CTCF: variants seen among roughly 807,000 people sequenced by gnomAD.
CTCF encodes transcriptional repressor CTCF.
In CTCF, 7 loss-of-function variants were observed where a neutral mutation model predicts 72.3. That is an observed-to-expected ratio of 0.10 (90% CI 0.06 to 0.18). The LOEUF is 0.18. Ranked by LOEUF, CTCF falls within the 10% of genes least tolerant of loss-of-function variation. CTCF has a pLI of 1.00. For synonymous variants in CTCF, 374 were observed against 315.8 expected (o/e 1.18, Z -1.95); for missense variants, 516 against 949.1 (o/e 0.54, Z 6.00).
chr16:67,629,418 T>G lies in CTCF; in HGVS notation c.1722T>G (p.Ala574=), dbSNP rs2052333020. The G allele has an allele frequency of 1.2e-6, 2 of 1,608,404 alleles. No individual in the cohort carries two copies. The highest frequency in any genetic ancestry group is 2.7e-5 in the African/African-American group (2 of 74,712). Residue 574 remains alanine, a synonymous_variant, in exon 10 of 12, where the codon GCT becomes GCG. Transcript: ENST00000264010. ...FTRRNTMARH[A]DNCAGPDGVE... ...GTTAGAATACCATGGCAAGACATGC[T>G]GATAATTGTGCTGGCCCAGATGGCG...
chr16:67,593,007 CAG>C (rs1567600532), intron 2 of CTCF, among the ~76,000 whole-genome samples: 2 of 150,410 alleles, frequency 1.3e-5, no homozygotes, highest in South Asian at 4.2e-4. Context: ...GCCTGGGTGA[CAG>C]AGTGAAACTC....
chr16:67,628,569 C>T lies in CTCF; in HGVS notation c.1701+17C>T, dbSNP rs771465873. On this transcript the variant is annotated intron_variant, in intron 9 of 11. Transcript: ENST00000264010. ...ACACGTCGGGTAAGGGTCAGAACTT[C>T]ACTTTGCCTGTTATGATACTGAATA... 6.2e-7 allele frequency: 1 copy of T among 1,610,984 alleles called. No homozygotes were observed. The highest frequency in any genetic ancestry group is 8.5e-7 in the Non-Finnish European group (1 of 1,177,474).
chr16:67,593,342 C>T (rs949914224), intron 2 of CTCF, among the ~76,000 whole-genome samples: 14 of 151,880 alleles, frequency 9.2e-5, no homozygotes, highest in African/African-American at 2.9e-4. Flanking sequence ...GCCCTTACCC[C>T]GTTTTCTCCC....
chr16:67,579,414 A>G (rs1284461558), intron 2 of CTCF, among the ~76,000 whole-genome samples: 2 of 151,036 alleles, frequency 1.3e-5, no homozygotes, highest in African/African-American at 4.9e-5. Context: ...GCTGGAGTGC[A>G]GTGCCGTGAT....
chr16:67,570,223 C>T (rs1357264207), intron 1 of CTCF, among the ~76,000 whole-genome samples: 1 of 151,472 alleles, frequency 6.6e-6, no homozygotes, highest in Non-Finnish European at 1.5e-5. Context: ...ACTACAGGCA[C>T]CCGCCACCAC....
At chr16:67,629,080 G>T (rs1202183414) in intron 9 of CTCF, among the ~76,000 whole-genome samples, 1 of 151,980 alleles carries the variant, frequency 6.6e-6, no homozygotes, top group Non-Finnish European at 1.5e-5. Flanking sequence ...TCCTTAGGTG[G>T]ATTGAAACCT....
intron 11 of CTCF, among the ~76,000 whole-genome samples, chr16:67,637,409 G>A (rs1044850977): frequency 6.6e-6 from 1 of 152,194 alleles, no homozygotes; most frequent in Non-Finnish European, 1.5e-5. Context: ...GTGGGCACCT[G>A]TAGTCCCATC....
chr16:67,635,358 G>A (rs758331354), intron 10 of CTCF, among the ~76,000 whole-genome samples: 1 of 151,304 alleles, frequency 6.6e-6, no homozygotes, highest in Non-Finnish European at 1.5e-5. Context: ...TAGAGACGGG[G>A]TTTCACCATA....
At chr16:67,616,951 C>A in intron 5 of CTCF, 73 bp downstream of exon 5, 1 of 1,486,072 alleles carries the variant, frequency 6.7e-7, no homozygotes, top group Non-Finnish European at 9.3e-7. Context: ...GCTATAACTA[C>A]TACCCAAACG....
rs1460902537 is a variant in CTCF at position 67,562,706 on chromosome 16, CG to C, written c.-139del. 2 of 150,264 alleles carry C rather than the reference CG, an allele frequency of 1.3e-5. No individual in the cohort carries two copies. Among genetic ancestry groups the C allele is most frequent in the Non-Finnish European group, 3.0e-5 (2 of 67,360 alleles). The allele number at this position is 150,264 out of a possible 1,614,324, so 9.3% of individuals were successfully genotyped here. ...TGGAGCGGCGGCGGAGCGGGCGCCG[CG>C]GGGGGTGTGGCGCGGAGGTAAGGGG... On this transcript the variant is annotated 5_prime_UTR_variant, in exon 1 of 12. Coordinates refer to ENST00000264010, the MANE Select transcript of CTCF (RefSeq NM_006565.4).
chr16:67,604,730 G>GTTTTTTTTTT (rs533827293), intron 2 of CTCF, among the ~76,000 whole-genome samples: 8 of 123,738 alleles, frequency 6.5e-5, no homozygotes, highest in South Asian at 2.5e-4. Flanking sequence ...TTTCACCAGG[G>GTTTTTTTTTT]TTTTTTTTTT....
In CTCF at chr16:67,636,709, GGAC is replaced by G; in HGVS notation, c.1861_1863del (p.Asp621del). ...GAAAAGAAAATGCTGAACCAGATCT[GGAC>G]GACAATGAGGATGAGGAGGAGCCTG... On this transcript the variant is annotated inframe_deletion, in exon 11 of 12. Coordinates refer to ENST00000264010, the MANE Select transcript of CTCF (RefSeq NM_006565.4). 6.2e-7 allele frequency: 1 copy of G among 1,607,202 alleles called. No individual in the cohort carries two copies. Among genetic ancestry groups the G allele is most frequent in the Non-Finnish European group, 8.5e-7 (1 of 1,176,584 alleles).
chr16:67,566,414 TC>T (rs1174643058), intron 1 of CTCF, among the ~76,000 whole-genome samples: 1 of 144,600 alleles, frequency 6.9e-6, no homozygotes, highest in Non-Finnish European at 1.5e-5. Context: ...GGAGGCTGAG[TC>T]AGGAGAATCA....
chr16:67,637,577 A>G, intron 11 of CTCF, 111 bp from the exon 12 acceptor site: 1 of 826,982 alleles, frequency 1.2e-6, no homozygotes. Context: ...ACCGCTATCT[A>G]ATAAGGCTGT....
At chr16:67,570,239 G>T (rs945500203) in intron 1 of CTCF, among the ~76,000 whole-genome samples, 3 of 151,820 alleles carry the variant, frequency 2.0e-5, no homozygotes, top group African/African-American at 7.3e-5. Flanking sequence ...ACCACACCCG[G>T]CTAATTTTTT....
At chr16:67,626,770 A>AGG (rs2052292757) in intron 8 of CTCF, 55 bp downstream of exon 8, 1 of 1,311,322 alleles carries the variant, frequency 7.6e-7, no homozygotes, top group Admixed American at 2.8e-5. Flanking sequence ...GTGTTATCAG[A>AGG]GGGCATTTAC....
intron 2 of CTCF, among the ~76,000 whole-genome samples, chr16:67,585,888 GT>G (rs1177459591): frequency 6.6e-6 from 1 of 151,900 alleles, no homozygotes; most frequent in East Asian, 1.9e-4. Flanking sequence ...TTTTCTCCCT[GT>G]CCCCCTGTTC....
intron 2 of CTCF, among the ~76,000 whole-genome samples, chr16:67,580,772 A>ATTTTTTTTTTTTTTTTTTTTTTTTTTTTT (rs781616750): frequency 8.3e-6 from 1 of 120,220 alleles, no homozygotes; most frequent in African/African-American, 3.5e-5. Context: ...GCCTGGCCAA[A>ATTTTTTTTTTTTTTTTTTTTTTTTTTTTT]TTTTTTTTTT....
intron 1 of CTCF, chr16:67,570,599 A>T (rs527898557): frequency 1.3e-5 from 2 of 149,314 alleles, no homozygotes; most frequent in South Asian, 2.1e-4. Flanking sequence ...CTGCCACCAC[A>T]CCCGGCTAAT....
Sources: gnomAD v4.1 joint callset for allele counts (sites outside exome capture counted in the v4.1 genomes callset) on GRCh38, gnomAD v4.1.1 for gene constraint, MANE v1.5 for transcripts, NCBI Gene and HGNC (gene_info 2026-07-23, HGNC 2026-07-21) for gene names.